Variants in ADGRL2 observed in about 807,000 individuals in gnomAD.
ADGRL2 encodes calcium-independent alpha-latrotoxin receptor 2.
ADGRL2 carries 44 observed loss-of-function variants against 157.4 expected under a neutral mutation model. The ratio of observed to expected loss-of-function variants is 0.28; its 90% confidence interval spans 0.22 to 0.36. ADGRL2 has a LOEUF of 0.36. Ranked by LOEUF, ADGRL2 falls within the 10% of genes least tolerant of loss-of-function variation. ADGRL2 has a pLI of 1.00. For missense variants in ADGRL2, 1,510 were observed against 1,768.9 expected (o/e 0.85, Z 2.63); for synonymous variants, 585 against 624.7 (o/e 0.94, Z 0.95).
intron 1 of ADGRL2, among the ~76,000 whole-genome samples, chr1:81,747,490 C>T (rs55816830): frequency 0.023 from 3,510 of 151,764 alleles, 51 homozygotes; most frequent in South Asian, 0.052. Context: ...TTAGTAGAGA[C>T]GGGGTTTCAT....
At chr1:81,746,695 A>C (rs1200464727) in intron 1 of ADGRL2, among the ~76,000 whole-genome samples, 1 of 152,086 alleles carries the variant, frequency 6.6e-6, no homozygotes, top group African/African-American at 2.4e-5. Flanking sequence ...TATCCTGTGA[A>C]TAAATGTTAC....
chr1:81,968,511 A>G (rs557029085), intron 14 of ADGRL2, among the ~76,000 whole-genome samples: 1 of 152,324 alleles, frequency 6.6e-6, no homozygotes, highest in African/African-American at 2.4e-5. Flanking sequence ...AAGGCTCTCG[A>G]GTTTAACATG....
At chr1:81,499,011 A>T (rs928335389) in intron 2 of ADGRL2, among the ~76,000 whole-genome samples, 1 of 152,174 alleles carries the variant, frequency 6.6e-6, no homozygotes, top group Non-Finnish European at 1.5e-5. Context: ...AAACCACTAG[A>T]TGCTCACCTG....
intron 2 of ADGRL2, among the ~76,000 whole-genome samples, chr1:81,477,873 C>T (rs1224507556): frequency 6.6e-6 from 1 of 152,130 alleles, no homozygotes; most frequent in Non-Finnish European, 1.5e-5. Context: ...CTGCTGCAAA[C>T]ATTTTTGAAT....
chr1:81,448,198 A>C (rs543120585), intron 2 of ADGRL2, among the ~76,000 whole-genome samples: 2 of 129,458 alleles, frequency 1.5e-5, no homozygotes, highest in Non-Finnish European at 3.1e-5. Context: ...AGGCTGGCAT[A>C]CAGTGGCTTA....
chr1:81,420,950 A>T (rs1293333858), intron 1 of ADGRL2, among the ~76,000 whole-genome samples: 1 of 152,218 alleles, frequency 6.6e-6, no homozygotes, highest in Non-Finnish European at 1.5e-5. Flanking sequence ...TCTCACATGC[A>T]AAGAGTTGCT....
At chr1:81,986,323 G>T (rs1663142760) in intron 21 of ADGRL2, among the ~76,000 whole-genome samples, 1 of 152,046 alleles carries the variant, frequency 6.6e-6, no homozygotes, top group African/African-American at 2.4e-5. Context: ...TATAGAATTT[G>T]TGAATGATCT....
At chr1:81,921,366 C>T (rs955822355) in intron 3 of ADGRL2, among the ~76,000 whole-genome samples, 6 of 152,028 alleles carry the variant, frequency 3.9e-5, no homozygotes, top group Non-Finnish European at 8.8e-5. Context: ...TTCTGCAAAA[C>T]GTGTAAAAAA....
chr1:81,332,354 T>C (rs1479355694), intron 1 of ADGRL2, among the ~76,000 whole-genome samples: 2 of 152,178 alleles, frequency 1.3e-5, no homozygotes, highest in Non-Finnish European at 2.9e-5. Flanking sequence ...TTAGTATATT[T>C]GATCAGTAAA....
intron 2 of ADGRL2, among the ~76,000 whole-genome samples, chr1:81,865,081 G>T (rs994073381): frequency 2.6e-5 from 4 of 152,096 alleles, no homozygotes; most frequent in African/African-American, 7.2e-5. Context: ...TGATGTCTCT[G>T]CCCTTTTTCT....
intron 1 of ADGRL2, among the ~76,000 whole-genome samples, chr1:81,826,083 T>G (rs1296675235): frequency 1.3e-5 from 2 of 152,202 alleles, no homozygotes; most frequent in East Asian, 3.8e-4. Flanking sequence ...AAACTTAAGA[T>G]GAATAATGCT....
At chr1:81,769,799 A>G (rs1376324691) in intron 2 of ADGRL2, among the ~76,000 whole-genome samples, 2 of 152,058 alleles carry the variant, frequency 1.3e-5, no homozygotes, top group Non-Finnish European at 2.9e-5. Context: ...TAGTGTTTCA[A>G]TACAAGCATA....
Position 81,985,245 on chromosome 1 carries a change from T to G in ADGRL2, c.3412-14T>G. ...CTAACAAAACATATTTGTCTTGCTG[T>G]TTTGTATTAATAGAGTCGTATAAGA... On this transcript the variant is annotated splice_polypyrimidine_tract_variant and intron_variant, in intron 20 of 23. Coordinates refer to ENST00000686636, the MANE Select transcript of ADGRL2 (RefSeq NM_001366006.2). 6.9e-7 allele frequency: 1 copy of G among 1,447,746 alleles called. No individual in the cohort carries two copies. 89.7% of individuals were successfully genotyped at this position (1,447,746 alleles called of 1,614,324 possible).
intron 2 of ADGRL2, among the ~76,000 whole-genome samples, chr1:81,451,076 C>T (rs1477849257): frequency 6.6e-6 from 1 of 152,150 alleles, no homozygotes; most frequent in Non-Finnish European, 1.5e-5. Context: ...CTTGTTTTCA[C>T]ATACTTCATG....
At chr1:81,630,621 A>G (rs1175500569) in intron 3 of ADGRL2, among the ~76,000 whole-genome samples, 3 of 152,148 alleles carry the variant, frequency 2.0e-5, no homozygotes, top group Non-Finnish European at 2.9e-5. Flanking sequence ...ACTTTCCACA[A>G]TGAAACCAGC....
chr1:81,416,093 G>A (rs556033123), intron 1 of ADGRL2, among the ~76,000 whole-genome samples: 20 of 151,914 alleles, frequency 1.3e-4, no homozygotes, highest in Admixed American at 9.8e-4. Flanking sequence ...CTCACGATCC[G>A]CCCACCTCGG....
intron 2 of ADGRL2, among the ~76,000 whole-genome samples, chr1:81,487,576 C>T (rs1291723375): frequency 2.6e-5 from 4 of 151,790 alleles, no homozygotes; most frequent in South Asian, 4.2e-4. Flanking sequence ...ACCCAGGAAG[C>T]GGAGGTTGCA....
chr1:81,992,021 G>A lies in ADGRL2; in HGVS notation c.*876G>A, dbSNP rs7523249. 1,080 of 152,496 alleles carry A rather than the reference G, an allele frequency of 7.1e-3. 13 individuals are homozygous for A. Among genetic ancestry groups the A allele is most frequent in the African/African-American group, 0.024 (1,000 of 41,478 alleles). 9.4% of individuals were successfully genotyped at this position (152,496 alleles called of 1,614,324 possible). A position where few individuals can be genotyped will look rare whatever the true frequency, so the allele number is the denominator to read the frequency against. ...TTAAATTTCTTATTGCCAAAAGAACGTGTTTTATGGGGAGAAACAAACTCT... is the reference window on the plus strand; with the variant it reads ...TTAAATTTCTTATTGCCAAAAGAACATGTTTTATGGGGAGAAACAAACTCT... On this transcript the variant is annotated 3_prime_UTR_variant, in exon 24 of 24. Transcript: ENST00000686636.
intron 3 of ADGRL2, among the ~76,000 whole-genome samples, chr1:81,659,344 G>A (rs956302851): frequency 6.6e-6 from 1 of 152,144 alleles, no homozygotes; most frequent in Non-Finnish European, 1.5e-5. Context: ...TTACAGGTGT[G>A]AGCCACCATG....
Sources: allele counts gnomAD v4.1 joint callset (sites outside exome capture counted in the v4.1 genomes callset), GRCh38; gene constraint gnomAD v4.1.1; transcripts MANE v1.5; gene names NCBI Gene and HGNC (gene_info 2026-07-23, HGNC 2026-07-21).